UQCRH: variants seen among roughly 807,000 people sequenced by gnomAD.
UQCRH encodes the protein ubiquinol-cytochrome c reductase hinge protein.
In UQCRH, 14 loss-of-function variants were observed where a neutral mutation model predicts 16.3. The ratio of observed to expected loss-of-function variants is 0.86; its 90% CI spans 0.57 to 1.34. UQCRH has a LOEUF of 1.34. Ranked by LOEUF, UQCRH falls within the 40% of genes most tolerant of loss-of-function variation. The pLI, the probability that UQCRH is intolerant of heterozygous loss-of-function variation, is 0.00. For missense variants in UQCRH, 89 were observed against 111.9 expected (o/e 0.80, Z 0.92); for synonymous variants, 41 against 41.9 (o/e 0.98, Z 0.08).
intron 1 of UQCRH, among the ~76,000 whole-genome samples, chr1:46,308,637 G>A (rs543413937): frequency 2.4e-4 from 37 of 152,264 alleles, no homozygotes; most frequent in Non-Finnish European, 4.1e-4. Flanking sequence ...AGGAGTTTGA[G>A]AGCAGCCTGG....
chr1:46,305,488 ATCGGGAGGCCGAGGCG>A (rs1468790848), intron 1 of UQCRH, among the ~76,000 whole-genome samples: 12 of 13,944 alleles, frequency 8.6e-4, no homozygotes. Context: ...AGGCGGGTGG[ATCGGGAGGCCGAGGCG>A]GGTGGATCGG....
chr1:46,307,504 G>A (rs904124534), intron 1 of UQCRH, among the ~76,000 whole-genome samples: 1 of 152,080 alleles, frequency 6.6e-6, no homozygotes, highest in Non-Finnish European at 1.5e-5. Context: ...CCCAAATGTG[G>A]GTATCTGCAT....
intron 3 of UQCRH, among the ~76,000 whole-genome samples, chr1:46,314,669 G>T (rs1481102360): frequency 7.1e-6 from 1 of 140,196 alleles, no homozygotes; most frequent in East Asian, 2.1e-4. Context: ...GCAAAACTCC[G>T]TCTCAAAAAA....
intron 3 of UQCRH, among the ~76,000 whole-genome samples, chr1:46,311,545 AAAT>A (rs534263303): frequency 6.6e-6 from 1 of 151,806 alleles, no homozygotes; most frequent in Admixed American, 6.6e-5. Context: ...GCCAAAAAAA[AAAT>A]AATTTGTATC....
At chr1:46,307,955 T>C (rs936946135) in intron 1 of UQCRH, among the ~76,000 whole-genome samples, 3 of 152,272 alleles carry the variant, frequency 2.0e-5, no homozygotes, top group African/African-American at 4.8e-5. Context: ...CTTTAGATTA[T>C]GTAGGCCCCA....
chr1:46,314,364 C>CAA (rs59435183), intron 3 of UQCRH, among the ~76,000 whole-genome samples: 9 of 73,058 alleles, frequency 1.2e-4, no homozygotes, highest in East Asian at 1.1e-3. Flanking sequence ...GACTCCGTCT[C>CAA]AAAAAAAAAA....
intron 1 of UQCRH, among the ~76,000 whole-genome samples, chr1:46,307,353 A>C (rs1661395836): frequency 6.6e-6 from 1 of 151,706 alleles, no homozygotes; most frequent in African/African-American, 2.4e-5. Flanking sequence ...CCTGTTTTTA[A>C]TTTTTTTAGA....
At chr1:46,304,604 C>A (rs1189971584) in intron 1 of UQCRH, among the ~76,000 whole-genome samples, 1 of 152,076 alleles carries the variant, frequency 6.6e-6, no homozygotes, top group African/African-American at 2.4e-5. Flanking sequence ...CCAGGCTGAT[C>A]TCGAACTCCT....
chr1:46,307,046 C>T (rs553907905), intron 1 of UQCRH, among the ~76,000 whole-genome samples: 5 of 152,160 alleles, frequency 3.3e-5, no homozygotes, highest in South Asian at 2.1e-4. Flanking sequence ...CCACCATGCC[C>T]GGCTAATTTA....
At chr1:46,316,037 CAG>C (rs1661577314) in intron 3 of UQCRH, among the ~76,000 whole-genome samples, 1 of 152,182 alleles carries the variant, frequency 6.6e-6, no homozygotes. Context: ...ATACCTTTCT[CAG>C]GGTAATATTA....
In UQCRH at chr1:46,316,559, A is replaced by T; in HGVS notation, c.251A>T (p.His84Leu). The T allele has an allele frequency of 6.2e-7, 1 of 1,613,450 alleles. No homozygotes were observed. Among genetic ancestry groups the T allele is most frequent in the South Asian group, 1.1e-5 (1 of 91,010 alleles). The change falls in exon 4 of 4, where the codon CAC becomes CTC. Residue 84 changes from histidine to leucine, a missense_variant. Physicochemically the swap from His to Leu is moderately conservative, Grantham distance 99 (BLOSUM62 -3). Transcript: ENST00000311672. ...TTTCTTTCCCCCATCTAGGTGGCCCACAAACTCTTTAACAACTTGAAATAA... is the reference window on the plus strand; with the variant it reads ...TTTCTTTCCCCCATCTAGGTGGCCCTCAAACTCTTTAACAACTTGAAATAA... ...FLHARDHCVAHKLFNNLK is the reference protein window; with the variant it reads ...FLHARDHCVALKLFNNLK
chr1:46,314,943 T>A (rs759568004), intron 3 of UQCRH, among the ~76,000 whole-genome samples: 1 of 152,180 alleles, frequency 6.6e-6, no homozygotes, highest in Non-Finnish European at 1.5e-5. Context: ...GTTCTAGAGA[T>A]TGTAGGGGAC....
chr1:46,311,763 T>C (rs1316011671), intron 3 of UQCRH, among the ~76,000 whole-genome samples: 1 of 149,950 alleles, frequency 6.7e-6, no homozygotes, highest in Non-Finnish European at 1.5e-5. Context: ...CGGCTAATGG[T>C]TTTTTTGTTT....
intron 3 of UQCRH, among the ~76,000 whole-genome samples, chr1:46,311,409 C>T (rs1352508560): frequency 6.7e-6 from 1 of 150,090 alleles, no homozygotes; most frequent in African/African-American, 2.5e-5. Flanking sequence ...GAAACCCGTC[C>T]CTACTAAAGT....
At chr1:46,312,273 G>A (rs920699899) in intron 3 of UQCRH, among the ~76,000 whole-genome samples, 1 of 150,216 alleles carries the variant, frequency 6.7e-6, no homozygotes, top group Non-Finnish European at 1.5e-5. Context: ...TTTTTTGTTT[G>A]TTTGTATTTT....
intron 3 of UQCRH, among the ~76,000 whole-genome samples, 196 bp from the exon 4 acceptor site, chr1:46,316,356 G>T (rs1661583066): frequency 6.6e-6 from 1 of 152,192 alleles, no homozygotes; most frequent in Non-Finnish European, 1.5e-5. Flanking sequence ...GGAAATGACA[G>T]TTATCAGATC....
intron 3 of UQCRH, among the ~76,000 whole-genome samples, chr1:46,313,355 G>C (rs908342098): frequency 6.6e-6 from 1 of 152,102 alleles, no homozygotes; most frequent in African/African-American, 2.4e-5. Flanking sequence ...AAAGCCGGGC[G>C]CGGTGGCTCA....
intron 1 of UQCRH, 61 bp from the exon 2 acceptor site, chr1:46,309,040 T>A: frequency 6.4e-7 from 1 of 1,552,882 alleles, no homozygotes; most frequent in Non-Finnish European, 8.9e-7. Context: ...TACATCAGTA[T>A]GATCAGGAAT....
Position 46,310,248 on chromosome 1 carries a change from T to A in UQCRH, c.175T>A (p.Ser59Thr), listed in dbSNP as rs753743917. 7 of 1,614,088 alleles carry A rather than the reference T, an allele frequency of 4.3e-6. No individual in the cohort carries two copies. In the African/African-American group the frequency reaches 8.0e-5, roughly 18 times the overall value. Residue 59 changes from serine (S) to threonine (T), a missense_variant, in exon 3 of 4, where the codon TCT becomes ACT. By Grantham distance (58) the Ser-to-Thr change is moderately conservative. Transcript: ENST00000311672. ...RLELCDERVS[S>T]RSHTEEDCTE... ...AGAGCTCTGTGATGAGCGTGTATCC[T>A]CTCGATCACATACAGAAGAGGATTG...
Sources: gnomAD v4.1 joint callset for allele counts (sites outside exome capture counted in the v4.1 genomes callset) on GRCh38, gnomAD v4.1.1 for gene constraint, MANE v1.5 for transcripts, NCBI Gene and HGNC (gene_info 2026-07-23, HGNC 2026-07-21) for gene names.